Variants in CC2D1B observed in about 807,000 individuals in gnomAD.
CC2D1B encodes coiled-coil and C2 domain containing 1B, also known as coiled-coil and C2 domain-containing protein 1B.
Under a neutral mutation model 110.8 loss-of-function variants are expected in CC2D1B, and 92 were observed. That is an observed-to-expected ratio of 0.83 (90% CI 0.70 to 0.99). CC2D1B has a LOEUF of 0.99. Ranked by LOEUF, CC2D1B falls within the 50% of genes least tolerant of loss-of-function variation. CC2D1B has a pLI of 0.00. For missense variants in CC2D1B, 1,136 were observed against 1,089.0 expected (o/e 1.04, Z -0.61); for synonymous variants, 406 against 429.2 (o/e 0.95, Z 0.67).
chr1:52,358,745 G>C lies in CC2D1B; in HGVS notation c.1271C>G (p.Ala424Gly). The change falls in exon 12 of 25, where the codon GCT (alanine) becomes GGT (glycine). Residue 424 changes from alanine (A) to glycine (G), a missense_variant. Ala to Gly is a moderately conservative substitution (Grantham distance 60). Transcript: ENST00000284376. ...HERIAKQYQD[A>G]IRAHRAGRKV... ...CCGTCCTGCTCGGTGTGCTCGAATA[G>C]CATCTTGATATTGCTGCAAGGGAAG... 1 of 1,610,758 alleles carries C rather than the reference G, an allele frequency of 6.2e-7. No individual in the cohort carries two copies. Among genetic ancestry groups the C allele is most frequent in the Non-Finnish European group, 8.5e-7 (1 of 1,179,102 alleles).
intron 2 of CC2D1B, 57 bp downstream of exon 2, chr1:52,364,495 G>T: frequency 1.6e-6 from 2 of 1,228,992 alleles, no homozygotes; most frequent in African/African-American, 1.5e-5. Flanking sequence ...TGCCTAAGTT[G>T]TCTAGGGACC....
chr1:52,359,123 G>A lies in CC2D1B; in HGVS notation c.1161C>T (p.Ala387=), dbSNP rs1218133850. ...GGTACTTGTTCAGCCTCTGCTGCAGGGCATCCAGCACTGTCTGTGACTCTG... is the reference window on the plus strand; with the variant it reads ...GGTACTTGTTCAGCCTCTGCTGCAGAGCATCCAGCACTGTCTGTGACTCTG... ...APTESQTVLD[A]LQQRLNKYRE... is the part of the protein sequence containing the mutation. The change falls in exon 11 of 25, where the codon GCC becomes GCT. Residue 387 remains alanine, a synonymous_variant. Transcript: ENST00000284376. The A allele has an allele frequency of 6.2e-7, 1 of 1,610,856 alleles. No homozygotes were observed. The highest frequency in any genetic ancestry group is 1.1e-5 in the South Asian group (1 of 91,084).
At position 52,362,763 on chromosome 1, in the gene CC2D1B, A is replaced by C; in HGVS notation, c.70-17T>G. ...GAGCCCCATCTGAGAGCAGAGCAGG[A>C]CTCTTAGGAACCACACAACAAGCAG... On this transcript the variant is annotated splice_polypyrimidine_tract_variant and intron_variant, in intron 2 of 24. Coordinates refer to ENST00000284376, the MANE Select transcript of CC2D1B (RefSeq NM_001330585.2). 1.2e-6 allele frequency: 2 copies of C among 1,613,264 alleles called. No homozygotes were observed. Among genetic ancestry groups the C allele is most frequent in the Non-Finnish European group, 1.7e-6 (2 of 1,179,638 alleles).
Position 52,356,171 on chromosome 1 carries a change from C to T in CC2D1B, c.2054+15G>A. On this transcript the variant is annotated intron_variant, in intron 18 of 24. Coordinates refer to ENST00000284376, the MANE Select transcript of CC2D1B (RefSeq NM_001330585.2). ...CCTCCCTGCCTGGAGCCCCTGTTTC[C>T]CTAGGCCTTGGTACCTCACAGTCTG... The T allele has an allele frequency of 1.2e-6, 2 of 1,600,752 alleles. No homozygotes were observed. The highest frequency in any genetic ancestry group is 1.7e-6 in the Non-Finnish European group (2 of 1,167,840).
intron 18 of CC2D1B, 32 bp from the exon 19 acceptor site, chr1:52,355,876 A>C: frequency 6.2e-7 from 1 of 1,608,512 alleles, no homozygotes; most frequent in Non-Finnish European, 8.5e-7. Flanking sequence ...AAAATGCTCA[A>C]AAGTGAAGGA....
rs778258692 is a variant in CC2D1B, at chr1:52,360,131, C to G, written c.706G>C (p.Glu236Gln). Residue 236 changes from glutamate (E) to glutamine (Q), a missense_variant, in exon 7 of 25, where the codon GAA (glutamate) becomes CAA (glutamine). Physicochemically the swap from Glu to Gln is conservative, Grantham distance 29 (BLOSUM62 2). Coordinates refer to ENST00000284376, the MANE Select transcript of CC2D1B (RefSeq NM_001330585.2). ...ALGKRPLAPQ[E>Q]PANRSPETDP... ...GTCTCAGGGCTCCTGTTGGCTGGTT[C>G]CTGGGGGGCCAGGGGCCGCTTTCCT... The G allele has an allele frequency of 1.6e-5, 26 of 1,609,062 alleles. No homozygotes were observed. In the South Asian group the frequency reaches 2.9e-4, roughly 18 times the overall value.
chr1:52,354,683 G>A lies in CC2D1B; in HGVS notation c.2355C>T (p.Ser785=), dbSNP rs747730332. 1.9e-5 allele frequency: 31 copies of A among 1,614,026 alleles called. No homozygotes were observed. The highest frequency in any genetic ancestry group is 1.8e-4 in the Admixed American group (11 of 59,996). ...EIFHKGSFFR[S]DKLVGTAHLK... is the part of the protein sequence containing the mutation. ...GGTGTGCTGTGCCAACCAGCTTGTC[G>A]CTTCTGAAGAAGGACCTGGGGAGTC... is the stretch of plus-strand genomic sequence containing the variant. The change falls in exon 23 of 25, where the codon AGC becomes AGT. Residue 785 remains serine, a synonymous_variant. Coordinates refer to ENST00000284376, the MANE Select transcript of CC2D1B (RefSeq NM_001330585.2).
chr1:52,360,372 G>A lies in CC2D1B; in HGVS notation c.603+52C>T, dbSNP rs368344094. 116 of 1,601,484 alleles carry A rather than the reference G, an allele frequency of 7.2e-5. No homozygotes were observed. The Middle Eastern group carries it at 1.2e-3, about 16-fold the overall frequency. On this transcript the variant is annotated intron_variant, in intron 6 of 24. Transcript: ENST00000284376. Reference sequence around the variant, plus strand: ...TCCACTGGTGCGATCTCCACCAGCCGCCTTTCATGCAGCCCCCTCCCCTGC... The same window carrying A: ...TCCACTGGTGCGATCTCCACCAGCCACCTTTCATGCAGCCCCCTCCCCTGC...
chr1:52,361,764 C>A, intron 3 of CC2D1B, 148 bp from the exon 4 acceptor site: 2 of 996,920 alleles, frequency 2.0e-6, no homozygotes, highest in Non-Finnish European at 3.0e-6. Flanking sequence ...CCTTTAAGAC[C>A]CAGTTCAAAA....
At chr1:52,359,583 G>C (rs757253835) in intron 8 of CC2D1B, 49 bp from the exon 9 acceptor site, 5 of 1,598,286 alleles carry the variant, frequency 3.1e-6, no homozygotes, top group African/African-American at 2.7e-5. Context: ...GGGACCCCAA[G>C]AGCCTGGGCT....
intron 23 of CC2D1B, 43 bp from the exon 24 acceptor site, chr1:52,353,690 A>AGAT (rs1646578116): frequency 2.7e-6 from 4 of 1,464,730 alleles, no homozygotes; most frequent in African/African-American, 2.8e-5. Flanking sequence ...AAGGGGACAG[A>AGAT]GATGGGGAGC....
At chr1:52,360,930 G>A (rs747969366) in intron 5 of CC2D1B, 44 bp downstream of exon 5, 131 of 1,608,738 alleles carry the variant, frequency 8.1e-5, no homozygotes, top group Middle Eastern at 2.0e-4. Context: ...ACGTCTGGGC[G>A]CACAGGAGCA....
intron 15 of CC2D1B, 63 bp downstream of exon 15, chr1:52,357,463 G>C: frequency 6.7e-7 from 1 of 1,503,444 alleles, no homozygotes; most frequent in Non-Finnish European, 9.0e-7. Flanking sequence ...TTCACAGCCT[G>C]TCAAGCCTGC....
At chr1:52,355,480 G>T (rs746241634) in intron 20 of CC2D1B, 31 bp from the exon 21 acceptor site, 2 of 1,613,862 alleles carry the variant, frequency 1.2e-6, no homozygotes, top group Admixed American at 3.3e-5. Flanking sequence ...AGTCAGGACA[G>T]CGTATAAACA....
intron 21 of CC2D1B, 111 bp downstream of exon 21, chr1:52,355,287 C>T (rs1386268595): frequency 4.4e-6 from 5 of 1,126,198 alleles, no homozygotes; most frequent in Admixed American, 4.1e-5. Context: ...GCACCTTTAT[C>T]TCCCAAGTGG....
At chr1:52,358,219 G>A (rs1646696171) in intron 13 of CC2D1B, 112 bp downstream of exon 13, 2 of 1,435,746 alleles carry the variant, frequency 1.4e-6, no homozygotes, top group Non-Finnish European at 1.9e-6. Flanking sequence ...TCTGTACAGT[G>A]GAGGAAAGAA....
chr1:52,364,676 AGCCAC>A (rs1162097738), intron 1 of CC2D1B, 42 bp from the exon 2 acceptor site: 1 of 1,380,536 alleles, frequency 7.2e-7, no homozygotes, highest in African/African-American at 1.4e-5. Flanking sequence ...GTAGCCCATA[AGCCAC>A]GCCCCCAACA....
Position 52,353,003 on chromosome 1 carries a change from G to C in CC2D1B, c.*222C>G, listed in dbSNP as rs368885040. The C allele has an allele frequency of 2.6e-6, 1 of 391,148 alleles. No homozygotes were observed. The highest frequency in any genetic ancestry group is 5.1e-6 in the Non-Finnish European group (1 of 195,518). 24.2% of individuals were successfully genotyped at this position (391,148 alleles called of 1,614,324 possible). On this transcript the variant is annotated 3_prime_UTR_variant, in exon 25 of 25. Coordinates refer to ENST00000284376, the MANE Select transcript of CC2D1B (RefSeq NM_001330585.2). ...CAGACTCGGGGCAGGGGGAGACAGC[G>C]GGGAGATGGGCTCCTGGAACCCAGC...
Position 52,353,516 on chromosome 1 carries a change from A to G in CC2D1B, c.*1+2T>C. On this transcript the variant is annotated splice_donor_variant, in intron 24 of 24. Coordinates refer to ENST00000284376, the MANE Select transcript of CC2D1B (RefSeq NM_001330585.2). LOFTEE classifies it low-confidence loss of function (3UTR_SPLICE). ...GTTCTGAAGGCCCAGAGAGCTGCCC[A>G]CCTCACAAGCCCCTGGGCTCCAGAA... The G allele has an allele frequency of 1.2e-6, 2 of 1,609,264 alleles. No homozygotes were observed. Among genetic ancestry groups the G allele is most frequent in the South Asian group, 1.1e-5 (1 of 90,682 alleles).
Sources: allele counts gnomAD v4.1 joint callset, GRCh38; gene constraint gnomAD v4.1.1; transcripts MANE v1.5; gene names NCBI Gene and HGNC (gene_info 2026-07-23, HGNC 2026-07-21).